The following GLI3 variants were observed in gnomAD, a reference collection of about 807,000 sequenced individuals.
GLI3 encodes the protein transcription activator GLI3.
GLI3 carries 20 observed loss-of-function variants against 100.8 expected under a neutral mutation model. That is an observed-to-expected ratio of 0.20 (90% CI 0.14 to 0.29). The LOEUF is 0.29. GLI3 is among the 10% of genes least tolerant of loss of function. The pLI is 1.00. For synonymous variants in GLI3, 938 were observed against 860.5 expected (o/e 1.09, Z -1.58); for missense variants, 2,040 against 2,128.5 (o/e 0.96, Z 0.82).
chr7:42,082,871 C>G (rs376490584), intron 3 of GLI3, among the ~76,000 whole-genome samples: 1 of 151,862 alleles, frequency 6.6e-6, no homozygotes, highest in East Asian at 1.9e-4. Flanking sequence ...ACATGTGGGC[C>G]GGTTTTTGTA....
Position 41,972,314 on chromosome 7 carries a change from C to A in GLI3, c.2103+23G>T. 6.2e-7 allele frequency: 1 copy of A among 1,610,484 alleles called. No homozygotes were observed. Among genetic ancestry groups the A allele is most frequent in the South Asian group, 1.1e-5 (1 of 90,934 alleles). ...CTTTTAAATGGGCCTGCTGTGAAGT[C>A]AGAAGGAGAGTGAATGACATACCAT... On this transcript the variant is annotated intron_variant, in intron 13 of 14. Transcript: ENST00000395925. This position sits in a 1 kb window ranked among gnomAD's most constrained non-coding sequence, Gnocchi z 4.4.
At chr7:42,026,111 G>C (rs1789102998) in intron 8 of GLI3, 88 bp downstream of exon 8, 1 of 808,888 alleles carries the variant, frequency 1.2e-6, no homozygotes, top group Non-Finnish European at 2.1e-6. Flanking sequence ...GAACACAGAG[G>C]TGCCGTGTTG....
rs768236231 is a variant in GLI3 at position 42,025,296 on chromosome 7, C to A, written c.1324G>T (p.Asp442Tyr). ...CCCCGAGCCCCTGGGCTGGGGAGGT[C>A]TTCATCGGGTTTGATCTTGGACCTC... ...NKRSKIKPDEDLPSPGARGQQ... is the reference protein window; with the variant it reads ...NKRSKIKPDEYLPSPGARGQQ... The change falls in exon 9 of 15, where the codon GAC (aspartate) becomes TAC (tyrosine). Residue 442 changes from aspartate (D) to tyrosine (Y), a missense_variant. Asp to Tyr is a radical substitution (Grantham distance 160, BLOSUM62 -3). Coordinates refer to ENST00000395925, the MANE Select transcript of GLI3 (RefSeq NM_000168.6). The A allele has an allele frequency of 1.9e-6, 3 of 1,614,046 alleles. No homozygotes were observed. The highest frequency in any genetic ancestry group is 1.7e-6 in the Non-Finnish European group (2 of 1,179,924).
chr7:42,194,751 CTCTG>C (rs199846201), intron 2 of GLI3, among the ~76,000 whole-genome samples: 2,064 of 120,292 alleles, frequency 0.017, 26 homozygotes, highest in Non-Finnish European at 0.026. Flanking sequence ...CAACTTCTCT[CTCTG>C]TCTCTTTTTT....
chr7:42,148,455 A>G lies in GLI3; in HGVS notation c.138T>C (p.Pro46=). 1 of 1,613,822 alleles carries G rather than the reference A, an allele frequency of 6.2e-7. No homozygotes were observed. The highest frequency in any genetic ancestry group is 8.5e-7 in the Non-Finnish European group (1 of 1,179,672). Residue 46 remains proline (P), a synonymous_variant, in exon 3 of 15, where the codon CCT becomes CCC. Coordinates refer to ENST00000395925, the MANE Select transcript of GLI3 (RefSeq NM_000168.6). ...SSTTSNEDES[P]GQTYHRERRN... ...TTCTCTCTCTGTGATAAGTCTGTCCAGGACTTTCATCCTCTAAAGAAAGAA... is the reference window on the plus strand; with the variant it reads ...TTCTCTCTCTGTGATAAGTCTGTCCGGGACTTTCATCCTCTAAAGAAAGAA...
At chr7:42,129,194 G>A (rs931475393) in intron 3 of GLI3, among the ~76,000 whole-genome samples, 16 of 152,084 alleles carry the variant, frequency 1.1e-4, no homozygotes, top group African/African-American at 3.9e-4. Context: ...TCCTCAAAAC[G>A]AACCCATGAT....
intron 2 of GLI3, among the ~76,000 whole-genome samples, chr7:42,168,361 T>C (rs1354068614): frequency 6.6e-6 from 1 of 152,196 alleles, no homozygotes; most frequent in Non-Finnish European, 1.5e-5. Context: ...TGTGAAAATA[T>C]TGTTCTACTC....
chr7:42,244,306 T>C (rs1316084516), intron 1 of GLI3, among the ~76,000 whole-genome samples: 5 of 152,042 alleles, frequency 3.3e-5, no homozygotes, highest in African/African-American at 9.7e-5. Flanking sequence ...GAAATAACAA[T>C]GAAAAAAAAT....
chr7:41,971,149 A>G (rs1422707941), intron 13 of GLI3, among the ~76,000 whole-genome samples: 1 of 152,206 alleles, frequency 6.6e-6, no homozygotes, highest in Non-Finnish European at 1.5e-5. Flanking sequence ...TCACCGTCTC[A>G]ATGGTAAGAT....
intron 3 of GLI3, among the ~76,000 whole-genome samples, chr7:42,094,203 T>C (rs917420352): frequency 1.3e-5 from 2 of 152,198 alleles, no homozygotes; most frequent in Non-Finnish European, 1.5e-5. Context: ...TGCTGACTCT[T>C]AAAGTTTAGA....
chr7:42,094,550 A>G (rs1392864658), intron 3 of GLI3, among the ~76,000 whole-genome samples: 1 of 152,028 alleles, frequency 6.6e-6, no homozygotes, highest in Non-Finnish European at 1.5e-5. Context: ...AGCCTGGCCA[A>G]CATGTCGAAA....
intron 10 of GLI3, among the ~76,000 whole-genome samples, chr7:42,007,290 C>T (rs1157217058): frequency 1.4e-5 from 2 of 146,752 alleles, no homozygotes; most frequent in African/African-American, 2.5e-5. Context: ...ACGCAACAGA[C>T]AGAATGAGAA....
At chr7:42,120,978 G>T (rs1314751888) in intron 3 of GLI3, among the ~76,000 whole-genome samples, 1 of 152,184 alleles carries the variant, frequency 6.6e-6, no homozygotes, top group Non-Finnish European at 1.5e-5. Flanking sequence ...ATAAGAGAAT[G>T]ACTTAAACAA....
intron 10 of GLI3, among the ~76,000 whole-genome samples, chr7:41,991,780 A>T (rs778851558): frequency 1.2e-4 from 19 of 152,226 alleles, no homozygotes; most frequent in Non-Finnish European, 2.2e-4. Flanking sequence ...TTCAGAAGGA[A>T]GAAAGGGAGG....
At chr7:42,190,914 T>C (rs370896957) in intron 2 of GLI3, among the ~76,000 whole-genome samples, 7 of 152,096 alleles carry the variant, frequency 4.6e-5, no homozygotes, top group Admixed American at 2.0e-4. Flanking sequence ...AGAAAAATTA[T>C]ATATCATAAA....
intron 2 of GLI3, among the ~76,000 whole-genome samples, chr7:42,154,953 A>C (rs1786965274): frequency 6.6e-6 from 1 of 152,224 alleles, no homozygotes; most frequent in African/African-American, 2.4e-5. Flanking sequence ...CAGATGGATC[A>C]GGAGAAAGCA....
At position 41,972,714 on chromosome 7, in the gene GLI3, AT is replaced by A; in HGVS notation, c.1813-88del. 1.8e-6 allele frequency: 2 copies of A among 1,094,972 alleles called. No homozygotes were observed. Among genetic ancestry groups the A allele is most frequent in the Non-Finnish European group, 2.7e-6 (2 of 735,374 alleles). The allele number at this position is 1,094,972 out of a possible 1,614,324, so 67.8% of individuals were successfully genotyped here. On this transcript the variant is annotated intron_variant, in intron 12 of 14. Transcript: ENST00000395925. This position sits in a 1 kb window ranked among gnomAD's most constrained non-coding sequence, Gnocchi z 4.4. ...AAAGTCCTTTATGGTTGCTCATTAC[AT>A]TTTTAATCCTTTCAAAACACTTTCA... is the stretch of plus-strand genomic sequence containing the variant.
At chr7:42,225,188 C>T (rs1788559693) in intron 1 of GLI3, among the ~76,000 whole-genome samples, 1 of 152,168 alleles carries the variant, frequency 6.6e-6, no homozygotes, top group East Asian at 1.9e-4. Flanking sequence ...ATCATTGTTT[C>T]TCACTTGGTA....
chr7:42,056,119 C>A (rs1195994223), intron 4 of GLI3, among the ~76,000 whole-genome samples: 1 of 152,322 alleles, frequency 6.6e-6, no homozygotes, highest in African/African-American at 2.4e-5. Flanking sequence ...CCACGTGGAA[C>A]TGTAAGTCCA....
Sources: allele counts gnomAD v4.1 joint callset (sites outside exome capture counted in the v4.1 genomes callset), GRCh38; gene constraint gnomAD v4.1.1; non-coding constraint Gnocchi (gnomAD v3.1); transcripts MANE v1.5; gene names NCBI Gene and HGNC (gene_info 2026-07-23, HGNC 2026-07-21).